PGS1: variants seen among roughly 807,000 people sequenced by gnomAD.
PGS1 encodes the protein CDP-diacylglycerol--glycerol-3-phosphate 3-phosphatidyltransferase, mitochondrial.
PGS1 carries 44 observed loss-of-function variants against 58.3 expected under a neutral mutation model. The ratio of observed to expected loss-of-function variants is 0.75; its 90% CI spans 0.59 to 0.97. The LOEUF is 0.97. Among genes scored for constraint, PGS1 ranks in the 50% least tolerant of loss-of-function variants. PGS1 has a pLI of 0.00. For missense variants in PGS1, 684 were observed against 731.1 expected (o/e 0.94, Z 0.74); for synonymous variants, 330 against 311.0 (o/e 1.06, Z -0.64).
At chr17:78,416,658 C>T (rs141567360) in intron 8 of PGS1, among the ~76,000 whole-genome samples, 1 of 152,216 alleles carries the variant, frequency 6.6e-6, no homozygotes, top group South Asian at 2.1e-4. Flanking sequence ...CTTCCCAAAC[C>T]TGAATCTCAG....
chr17:78,424,290 ACGGCTGGAAGCAGAGG>A lies in PGS1; in HGVS notation c.*242_*257del, dbSNP rs1387743127. 6 of 1,153,506 alleles carry A rather than the reference ACGGCTGGAAGCAGAGG, an allele frequency of 5.2e-6. No homozygotes were observed. The East Asian group carries it at 1.3e-4, about 25-fold the overall frequency. The allele number at this position is 1,153,506 out of a possible 1,614,324, so 71.5% of individuals were successfully genotyped here. On this transcript the variant is annotated 3_prime_UTR_variant, in exon 10 of 10. Transcript: ENST00000262764. ...CCCAAAAGGCTTCAGGCCAGCTGCC[ACGGCTGGAAGCAGAGG>A]CCTTCGTAGGTGATGGCCTGCATGT...
chr17:78,398,919 G>A (rs746866690), intron 4 of PGS1, among the ~76,000 whole-genome samples: 11 of 152,190 alleles, frequency 7.2e-5, no homozygotes, highest in Non-Finnish European at 1.5e-4. Context: ...CTGGCCTGAC[G>A]GTGGCATGCC....
At chr17:78,394,969 G>A (rs2083118151) in intron 2 of PGS1, among the ~76,000 whole-genome samples, 1 of 152,252 alleles carries the variant, frequency 6.6e-6, no homozygotes, top group Non-Finnish European at 1.5e-5. Flanking sequence ...TGCCTGAGGA[G>A]GGTGGGCTTG....
At chr17:78,409,448 T>C (rs1329371814) in intron 7 of PGS1, among the ~76,000 whole-genome samples, 1 of 152,252 alleles carries the variant, frequency 6.6e-6, no homozygotes, top group East Asian at 1.9e-4. Context: ...CCAATTGGCG[T>C]TCTGCCCAAA....
intron 2 of PGS1, among the ~76,000 whole-genome samples, chr17:78,395,454 C>G (rs2083161007): frequency 6.6e-6 from 1 of 152,068 alleles, no homozygotes; most frequent in African/African-American, 2.4e-5. Flanking sequence ...CTGTGTTGTT[C>G]CTTCTCATAG....
chr17:78,420,215 GCTGCGCC>G (rs1428032385), intron 9 of PGS1: 2 of 996,810 alleles, frequency 2.0e-6, no homozygotes, highest in African/African-American at 3.5e-5. Context: ...CGGTTACAGA[GCTGCGCC>G]CTTCTAGACT....
At chr17:78,396,540 A>AGGAGGGCCTGGTGAGGAGAGCATGGG (rs1439666462) in intron 3 of PGS1, among the ~76,000 whole-genome samples, 155 bp downstream of exon 3, 1 of 152,154 alleles carries the variant, frequency 6.6e-6, no homozygotes, top group Admixed American at 6.5e-5. Flanking sequence ...TGGGCATGTC[A>AGGAGGGCCTGGTGAGGAGAGCATGGG]GGAGGGCCTG....
Position 78,415,071 on chromosome 17 carries a change from G to A in PGS1, c.1551+44G>A, listed in dbSNP as rs771366249. The A allele has an allele frequency of 2.0e-5, 30 of 1,529,194 alleles. 1 individual carries two copies. The South Asian group carries it at 3.3e-4, about 17-fold the overall frequency. 94.7% of individuals were successfully genotyped at this position (1,529,194 alleles called of 1,614,324 possible). Reference sequence around the variant, plus strand: ...GATTTCCCAGGGCGCTGAGGGTGTGGCTGGGGGCCCAGGCTCACCCGTGCT... The same window carrying A: ...GATTTCCCAGGGCGCTGAGGGTGTGACTGGGGGCCCAGGCTCACCCGTGCT... On this transcript the variant is annotated intron_variant, in intron 8 of 9. Transcript: ENST00000262764.
At chr17:78,423,338 T>C (rs1453766617) in intron 9 of PGS1, among the ~76,000 whole-genome samples, 1 of 152,152 alleles carries the variant, frequency 6.6e-6, no homozygotes, top group African/African-American at 2.4e-5. Context: ...TTCTAGACTC[T>C]GGGGGCGGGG....
chr17:78,380,054 C>T (rs1283392927), intron 1 of PGS1, among the ~76,000 whole-genome samples: 1 of 151,762 alleles, frequency 6.6e-6, no homozygotes, highest in Non-Finnish European at 1.5e-5. Context: ...TTAGTAGAGA[C>T]AGGGTTTTTC....
At position 78,424,269 on chromosome 17, in the gene PGS1, A is replaced by T. The variant is rs924904853; in HGVS notation, c.*219A>T. On this transcript the variant is annotated 3_prime_UTR_variant, in exon 10 of 10. Transcript: ENST00000262764. ...CTCTGCAGAGCTGGGCTCTACCCCA[A>T]AAGGCTTCAGGCCAGCTGCCACGGC... is the stretch of plus-strand genomic sequence containing the variant. The T allele has an allele frequency of 2.2e-6, 3 of 1,352,134 alleles. No homozygotes were observed. The highest frequency in any genetic ancestry group is 2.9e-5 in the African/African-American group (2 of 68,278). 83.8% of individuals were successfully genotyped at this position (1,352,134 alleles called of 1,614,324 possible).
chr17:78,416,319 C>T (rs2146323528), intron 8 of PGS1, among the ~76,000 whole-genome samples: 1 of 152,362 alleles, frequency 6.6e-6, no homozygotes, highest in South Asian at 2.1e-4. Flanking sequence ...TGGGAAAGAC[C>T]TGAGCCTGCA....
chr17:78,398,374 C>T (rs759775361), intron 4 of PGS1, 23 bp downstream of exon 4: 3 of 1,480,100 alleles, frequency 2.0e-6, no homozygotes, highest in Non-Finnish European at 2.8e-6. Context: ...CAAGCCTGGC[C>T]CCTCCTGCTT....
chr17:78,410,263 T>C (rs932268981), intron 7 of PGS1, among the ~76,000 whole-genome samples: 111 of 152,124 alleles, frequency 7.3e-4, no homozygotes, highest in Non-Finnish European at 3.5e-4. Context: ...ACCCCGTCTC[T>C]ACTAAAAATA....
intron 7 of PGS1, among the ~76,000 whole-genome samples, chr17:78,408,470 T>C (rs2084346255): frequency 6.6e-6 from 1 of 152,170 alleles, no homozygotes; most frequent in Non-Finnish European, 1.5e-5. Context: ...TATTTGACTT[T>C]CTATAAAATA....
chr17:78,385,619 T>G (rs967207919), intron 1 of PGS1, among the ~76,000 whole-genome samples: 1 of 152,146 alleles, frequency 6.6e-6, no homozygotes, highest in African/African-American at 2.4e-5. Flanking sequence ...GAGATGGGGT[T>G]TCACTGTGTT....
chr17:78,392,009 G>A (rs1255168294), intron 1 of PGS1, among the ~76,000 whole-genome samples: 1 of 152,174 alleles, frequency 6.6e-6, no homozygotes, highest in African/African-American at 2.4e-5. Flanking sequence ...TCATAAAGCG[G>A]GGCATCTGGG....
chr17:78,403,990 A>G lies in PGS1; in HGVS notation c.1303A>G (p.Ile435Val), dbSNP rs2083902854. 1.2e-6 allele frequency: 2 copies of G among 1,613,956 alleles called. No homozygotes were observed. The highest frequency in any genetic ancestry group is 8.5e-7 in the Non-Finnish European group (1 of 1,179,960). ...CGCCATCCCAGCGGCCTATGTGCAC[A>G]TCGAGCGACAGTTCTTCAGTGAGGT... ...AGAIPAAYVH[I>V]ERQFFSEVCS... is the part of the protein sequence containing the mutation. Residue 435 changes from isoleucine (I) to valine (V), a missense_variant, in exon 7 of 10, where the codon ATC becomes GTC. Coordinates refer to ENST00000262764, the MANE Select transcript of PGS1 (RefSeq NM_024419.5).
intron 1 of PGS1, among the ~76,000 whole-genome samples, chr17:78,384,684 T>C (rs2082257897): frequency 6.6e-6 from 1 of 152,190 alleles, no homozygotes; most frequent in African/African-American, 2.4e-5. Flanking sequence ...AGAGCGCAAC[T>C]TCTGCCCTGT....
Sources: allele counts gnomAD v4.1 joint callset (sites outside exome capture counted in the v4.1 genomes callset), GRCh38; gene constraint gnomAD v4.1.1; transcripts MANE v1.5; gene names NCBI Gene and HGNC (gene_info 2026-07-23, HGNC 2026-07-21).